The following ZNF875 variants were observed in gnomAD, a reference collection of about 807,000 sequenced individuals.
ZNF875 encodes zinc finger protein 875.
In ZNF875, 14 loss-of-function variants were observed where a neutral mutation model predicts 11.2. That is an observed-to-expected ratio of 1.26 (90% CI 0.83 to 1.96). The LOEUF (loss-of-function observed/expected upper bound fraction) is 1.96. Ranked by LOEUF, ZNF875 falls within the 30% of genes most tolerant of loss-of-function variation. The probability of loss-of-function intolerance (pLI) is 0.00; values close to 1 mark genes in which losing one functional copy is unlikely to be tolerated. For synonymous variants in ZNF875, 301 were observed against 281.1 expected (o/e 1.07, Z -0.71); for missense variants, 752 against 760.4 (o/e 0.99, Z 0.13).
intron 4 of ZNF875, chr19:37,357,817 C>T (rs1257533784): frequency 1.0e-5 from 4 of 392,810 alleles, no homozygotes; most frequent in Admixed American, 4.4e-5. Flanking sequence ...GGATTCTTGG[C>T]GAACAGAGAT....
chr19:37,357,920 G>A (rs1391900996), intron 4 of ZNF875: 6 of 398,120 alleles, frequency 1.5e-5, no homozygotes, highest in African/African-American at 4.1e-5. Flanking sequence ...AGTTGAATAC[G>A]AGTGGTGAGA....
chr19:37,326,515 T>C, intron 4 of ZNF875, among the ~76,000 whole-genome samples: 1 of 152,182 alleles, frequency 6.6e-6, no homozygotes, highest in Non-Finnish European at 1.5e-5. Context: ...TCCCATAACA[T>C]GTGACGTGCC....
chr19:37,325,140 A>C (rs1042574329), intron 4 of ZNF875: 2 of 152,054 alleles, frequency 1.3e-5, no homozygotes, highest in Admixed American at 1.3e-4. Flanking sequence ...TATGTTTTTC[A>C]CATTTTTATA....
Position 37,362,036 on chromosome 19 carries a change from G to T in ZNF875, c.257-73G>T. ...GTAAATATGTAAATATATTATGAAT[G>T]ACCAGTGGGCAAGGCAAAATTGCCT... On this transcript the variant is annotated intron_variant, in intron 4 of 4. Transcript: ENST00000392153. The T allele has an allele frequency of 6.0e-6, 5 of 828,050 alleles. No individual in the cohort carries two copies. In the South Asian group the frequency reaches 6.5e-5, roughly 11 times the overall value. The allele number at this position is 828,050 out of a possible 1,614,324, so 51.3% of individuals were successfully genotyped here.
chr19:37,360,050 C>A (rs1336248269), intron 4 of ZNF875, among the ~76,000 whole-genome samples: 1 of 152,134 alleles, frequency 6.6e-6, no homozygotes, highest in Non-Finnish European at 1.5e-5. Context: ...AGAAGTTTTA[C>A]AGTTTTAGCT....
chr19:37,319,293 G>C (rs548241305), intron 1 of ZNF875, among the ~76,000 whole-genome samples: 30 of 145,784 alleles, frequency 2.1e-4, no homozygotes, highest in Non-Finnish European at 3.7e-4. Flanking sequence ...TGATCCGCCC[G>C]CCTGGGCCTC....
chr19:37,347,956 A>G, intron 4 of ZNF875, 84 bp downstream of exon 4: 1 of 811,660 alleles, frequency 1.2e-6, no homozygotes, highest in Admixed American at 2.1e-5. Context: ...ACTGGGAAGA[A>G]GCTCTTCTTC....
Position 37,362,014 on chromosome 19 carries a change from AATAT to A in ZNF875, c.257-94_257-91del, listed in dbSNP as rs768459309. The A allele has an allele frequency of 1.2e-5, 9 of 732,276 alleles. No homozygotes were observed. In the South Asian group the frequency reaches 1.4e-4, roughly 11 times the overall value. 45.4% of individuals were successfully genotyped at this position (732,276 alleles called of 1,614,324 possible). On this transcript the variant is annotated intron_variant, in intron 4 of 4. Transcript: ENST00000392153. Reference sequence around the variant, plus strand: ...TAACTGGGAGATAGCTTGTGATGTAAATATGTAAATATATTATGAATGACCAGTG... The same window carrying A: ...TAACTGGGAGATAGCTTGTGATGTAAGTAAATATATTATGAATGACCAGTG...
upstream of ZNF875, among the ~76,000 whole-genome samples, chr19:37,331,621 C>T (rs1445263884): frequency 6.8e-6 from 1 of 147,600 alleles, no homozygotes; most frequent in Non-Finnish European, 1.5e-5. Flanking sequence ...TGCTTGAAGG[C>T]AGCATGCTCC....
At chr19:37,313,885 G>A (rs754475306), upstream of ZNF875, among the ~76,000 whole-genome samples, 4 of 152,010 alleles carry the variant, frequency 2.6e-5, no homozygotes, top group Non-Finnish European at 5.9e-5. Flanking sequence ...CAGGCAGTGT[G>A]AATTGCAATT....
At chr19:37,356,875 A>T (rs1600189227) in intron 4 of ZNF875, among the ~76,000 whole-genome samples, 1 of 152,268 alleles carries the variant, frequency 6.6e-6, no homozygotes, top group East Asian at 1.9e-4. Context: ...ATCGCTTTTG[A>T]GGACTTAGTC....
At chr19:37,346,991 A>G (rs755763896) in intron 2 of ZNF875, 199 bp from the exon 3 acceptor site, 23 of 546,714 alleles carry the variant, frequency 4.2e-5, no homozygotes, top group Admixed American at 4.2e-4. Flanking sequence ...CTAATTTTGT[A>G]TTTTTAGTAG....
chr19:37,327,725 C>T (rs1483209848), intron 4 of ZNF875, among the ~76,000 whole-genome samples: 17 of 142,904 alleles, frequency 1.2e-4, no homozygotes, highest in Non-Finnish European at 2.2e-4. Flanking sequence ...GATCTTGCCA[C>T]TTCACTCCAG....
intron 4 of ZNF875, among the ~76,000 whole-genome samples, chr19:37,350,858 G>A (rs1345306458): frequency 7.2e-6 from 1 of 138,690 alleles, no homozygotes; most frequent in Non-Finnish European, 1.5e-5. Context: ...AGGCTGGAGT[G>A]CAGTGGTGCA....
intron 2 of ZNF875, among the ~76,000 whole-genome samples, chr19:37,342,965 C>G (rs1297739413): frequency 6.6e-6 from 1 of 152,168 alleles, no homozygotes; most frequent in South Asian, 2.1e-4. Flanking sequence ...TGTCCTGCTC[C>G]CAAAGCTAAT....
At chr19:37,334,596 G>A (rs2033885678), upstream of ZNF875, 1 of 433,642 alleles carries the variant, frequency 2.3e-6, no homozygotes, top group East Asian at 7.1e-5. Flanking sequence ...GGCCTCTGCG[G>A]TCACTTCCGC....
chr19:37,347,124 C>T lies in ZNF875; in HGVS notation c.34-66C>T, dbSNP rs1009575756. ...GAACCACCGGGCCTGGCCTTGACCTCTCATTCTAAAGTGTGGGAGGGAAAG... is the reference window on the plus strand; with the variant it reads ...GAACCACCGGGCCTGGCCTTGACCTTTCATTCTAAAGTGTGGGAGGGAAAG... On this transcript the variant is annotated intron_variant, in intron 2 of 4. Coordinates refer to ENST00000392153, the MANE Select transcript of ZNF875 (RefSeq NM_001353803.2). 3.7e-6 allele frequency: 6 copies of T among 1,610,196 alleles called. No homozygotes were observed. The East Asian group carries it at 6.7e-5, about 18-fold the overall frequency.
At chr19:37,360,365 A>G (rs2039698854) in intron 4 of ZNF875, among the ~76,000 whole-genome samples, 1 of 152,082 alleles carries the variant, frequency 6.6e-6, no homozygotes, top group Non-Finnish European at 1.5e-5. Flanking sequence ...ACACTCCCCA[A>G]CTTTATTTTC....
At position 37,363,221 on chromosome 19, in the gene ZNF875, C is replaced by T. The variant is rs2040268782; in HGVS notation, c.1369C>T (p.Gln457Ter). 6.2e-7 allele frequency: 1 copy of T among 1,613,422 alleles called. No homozygotes were observed. Among genetic ancestry groups the T allele is most frequent in the South Asian group, 1.1e-5 (1 of 91,052 alleles). Residue 457 changes from glutamine (Q) to a stop codon, truncating the protein, a stop_gained, in exon 5 of 5, where the codon CAG (glutamine) becomes TAG (stop). Coordinates refer to ENST00000392153, the MANE Select transcript of ZNF875 (RefSeq NM_001353803.2). LOFTEE classifies it low-confidence loss of function (END_TRUNC). ...ACCTTATGTCTGCCTGGAGTGCGGG[C>T]AGTGCTTTAGCCTGAAGTCAAACCT... The part of the protein sequence containing the change: ...VKPYVCLECG[Q>*]CFSLKSNLNK...
Sources: allele counts gnomAD v4.1 joint callset (sites outside exome capture counted in the v4.1 genomes callset), GRCh38; gene constraint gnomAD v4.1.1; transcripts MANE v1.5; gene names NCBI Gene and HGNC (gene_info 2026-07-23, HGNC 2026-07-21).